The following PTPRD variants were observed in gnomAD, a reference collection of about 807,000 sequenced individuals.
PTPRD encodes protein tyrosine phosphatase receptor type D.
In PTPRD, 34 loss-of-function variants were observed where a neutral mutation model predicts 214.5. The observed-to-expected ratio is 0.16, with a 90% CI of 0.12 to 0.21. The LOEUF is 0.21. Among genes scored for constraint, PTPRD ranks in the 10% least tolerant of loss-of-function variants. The probability of loss-of-function intolerance (pLI) is 1.00; values close to 1 mark genes in which losing one functional copy is unlikely to be tolerated. For synonymous variants in PTPRD, 1,128 were observed against 845.7 expected (o/e 1.33, Z -5.79); for missense variants, 2,545 against 2,398.7 (o/e 1.06, Z -1.27).
rs907488046 is a variant in PTPRD at position 10,226,175 on chromosome 9, G to C, written c.-545+114788C>G. On this transcript the variant is annotated intron_variant, in intron 3 of 45. Coordinates refer to ENST00000381196, the MANE Select transcript of PTPRD (RefSeq NM_002839.4). ...TGATCCCCCCAAAATTGTACCTCCT[G>C]TTGGGATGCACTTAGTACCTGGATA... Among the ~76,000 whole-genome samples the C allele has an allele frequency of 2.6e-5, 4 of 152,132 alleles. No homozygotes were observed. In the East Asian group the frequency reaches 7.8e-4, roughly 30 times the overall value.
intron 10 of PTPRD, among the ~76,000 whole-genome samples, chr9:9,127,090 A>ACACT (rs2099835152): frequency 6.6e-6 from 1 of 152,086 alleles, no homozygotes; most frequent in Non-Finnish European, 1.5e-5. Flanking sequence ...ATTGCAAAGC[A>ACACT]CACTCACACA....
At chr9:10,292,068 G>C (rs1443600485) in intron 3 of PTPRD, among the ~76,000 whole-genome samples, 2 of 152,000 alleles carry the variant, frequency 1.3e-5, no homozygotes, top group Non-Finnish European at 2.9e-5. Flanking sequence ...CCTATATTAT[G>C]AAAAGTTCTA....
intron 3 of PTPRD, among the ~76,000 whole-genome samples, chr9:10,121,222 G>T (rs702127): frequency 6.6e-6 from 1 of 151,872 alleles, no homozygotes; most frequent in Admixed American, 6.6e-5. Context: ...AATTTATAGA[G>T]ACTGTTTTAA....
chr9:9,672,346 G>A (rs1384150088), intron 7 of PTPRD, among the ~76,000 whole-genome samples: 1 of 151,956 alleles, frequency 6.6e-6, no homozygotes, highest in Admixed American at 6.6e-5. Flanking sequence ...TAGCAGAATG[G>A]CTATAATGAT....
chr9:10,107,679 T>C (rs1168861812), intron 3 of PTPRD, among the ~76,000 whole-genome samples: 1 of 152,108 alleles, frequency 6.6e-6, no homozygotes, highest in South Asian at 2.1e-4. Context: ...ACATTGCTTT[T>C]TAGTCTAATT....
At chr9:9,381,093 C>T (rs1032842795) in intron 9 of PTPRD, among the ~76,000 whole-genome samples, 3 of 152,002 alleles carry the variant, frequency 2.0e-5, no homozygotes, top group Non-Finnish European at 4.4e-5. Flanking sequence ...AATGTGGCTT[C>T]CCTATAGACA....
intron 9 of PTPRD, among the ~76,000 whole-genome samples, chr9:9,393,953 T>C (rs1035275199): frequency 2.0e-5 from 3 of 152,140 alleles, no homozygotes; most frequent in African/African-American, 7.2e-5. Flanking sequence ...CACCAATACT[T>C]TCCTGATAGC....
At chr9:9,176,391 A>T (rs1592959876) in intron 10 of PTPRD, among the ~76,000 whole-genome samples, 2 of 151,970 alleles carry the variant, frequency 1.3e-5, no homozygotes, top group Admixed American at 1.3e-4. Context: ...AGGCTGAAAA[A>T]CCATTCACTT....
At chr9:10,206,201 G>A (rs904036039) in intron 3 of PTPRD, among the ~76,000 whole-genome samples, 5 of 152,138 alleles carry the variant, frequency 3.3e-5, no homozygotes, top group Admixed American at 3.3e-4. Context: ...CAAAAGGAAT[G>A]AAATACCACA....
At chr9:9,088,212 C>T (rs2777489) in intron 10 of PTPRD, among the ~76,000 whole-genome samples, 1 of 151,370 alleles carries the variant, frequency 6.6e-6, no homozygotes, top group Non-Finnish European at 1.5e-5. Flanking sequence ...CTTGTGTCCT[C>T]ATTCTTCCCT....
intron 2 of PTPRD, among the ~76,000 whole-genome samples, chr9:10,391,106 G>T (rs2098053932): frequency 6.6e-6 from 1 of 151,802 alleles, no homozygotes. Context: ...ATTACTTGGG[G>T]AAGCATTAAG....
chr9:8,947,040 T>G (rs1567172948), intron 11 of PTPRD, among the ~76,000 whole-genome samples: 5 of 150,260 alleles, frequency 3.3e-5, no homozygotes, highest in African/African-American at 1.2e-4. Context: ...TTTTTTTTTT[T>G]TTGTGTGTGT....
Position 10,250,088 on chromosome 9 carries a change from C to G in PTPRD, c.-545+90875G>C, listed in dbSNP as rs369280522. Reference sequence around the variant, plus strand: ...TTCTAGTTACTGTACTTTTCATATTCTATTTAAATCAAAGTACTTAGTATG... The same window carrying G: ...TTCTAGTTACTGTACTTTTCATATTGTATTTAAATCAAAGTACTTAGTATG... On this transcript the variant is annotated intron_variant, in intron 3 of 45. Coordinates refer to ENST00000381196, the MANE Select transcript of PTPRD (RefSeq NM_002839.4). Among the ~76,000 whole-genome samples the G allele has an allele frequency of 1.3e-4, 20 of 152,168 alleles. No individual in the cohort carries two copies. In the East Asian group the frequency reaches 1.9e-3, roughly 15 times the overall value.
intron 2 of PTPRD, among the ~76,000 whole-genome samples, chr9:10,386,080 T>A (rs1191144320): frequency 1.3e-5 from 2 of 151,814 alleles, no homozygotes; most frequent in Non-Finnish European, 2.9e-5. Context: ...ATTGAAGGCA[T>A]GAAATTCAGT....
chr9:10,271,549 C>CT (rs35231135), intron 3 of PTPRD, among the ~76,000 whole-genome samples: 3,918 of 51,542 alleles, frequency 0.076, 335 homozygotes, highest in Admixed American at 0.34. Flanking sequence ...CTTTTCTTTT[C>CT]TTTTTTTTTT....
intron 11 of PTPRD, chr9:8,861,297 T>G (rs1281688096): frequency 6.6e-6 from 1 of 152,216 alleles, no homozygotes; most frequent in Non-Finnish European, 1.5e-5. Flanking sequence ...CATGTTAAAG[T>G]TCACCTGTTT....
rs1566574936 is a variant in PTPRD at position 8,846,809 on chromosome 9, A to G, written c.-103-112863T>C. Among the ~76,000 whole-genome samples the G allele has an allele frequency of 2.0e-5, 3 of 152,322 alleles. 1 individual carries two copies. The East Asian group carries it at 5.8e-4, about 29-fold the overall frequency. On this transcript the variant is annotated intron_variant, in intron 11 of 45. Transcript: ENST00000381196. The stretch of plus-strand genomic sequence containing the variant: ...GACAAAGCAGAGGAAAGGACATCAA[A>G]GGCCAGGTGCCTTTTGGTAAGGAAT...
intron 11 of PTPRD, among the ~76,000 whole-genome samples, chr9:8,951,023 A>G (rs909980905): frequency 1.3e-5 from 2 of 152,060 alleles, no homozygotes; most frequent in African/African-American, 4.8e-5. Flanking sequence ...ATTTAAAGAT[A>G]TGTTTTTGGA....
chr9:10,112,496 C>G (rs1287313711), intron 3 of PTPRD, among the ~76,000 whole-genome samples: 1 of 151,506 alleles, frequency 6.6e-6, no homozygotes, highest in Non-Finnish European at 1.5e-5. Context: ...AAATGAAGGT[C>G]ACTGCTTTCT....
Sources: gnomAD v4.1 joint callset for allele counts (sites outside exome capture counted in the v4.1 genomes callset) on GRCh38, gnomAD v4.1.1 for gene constraint, MANE v1.5 for transcripts, NCBI Gene and HGNC (gene_info 2026-07-23, HGNC 2026-07-21) for gene names.